FAAH2: variants seen among roughly 807,000 people sequenced by gnomAD.
FAAH2 encodes fatty acid amide hydrolase 2, also known as fatty-acid amide hydrolase 2.
A neutral mutation model predicts 36.9 loss-of-function variants in FAAH2; 60 were observed. The observed-to-expected ratio is 1.63, with a 90% CI of 1.32 to 2.02. FAAH2 has a LOEUF of 2.02. FAAH2 is among the 30% of genes most tolerant of loss of function. The pLI is 0.00. For synonymous variants in FAAH2, 214 were observed against 143.8 expected, an observed-to-expected ratio of 1.49 and a Z score of -3.49; for missense variants, 689 against 397.5, an observed-to-expected ratio of 1.73 and a Z score of -6.23.
chrX:57,448,124 G>C (rs2056716912), intron 9 of FAAH2, among the ~76,000 whole-genome samples: 1 of 111,219 alleles, frequency 9.0e-6, no homozygotes, highest in Admixed American at 9.6e-5. Context: ...AAGTTGCTGG[G>C]ACTACAGGGC....
At chrX:57,365,166 G>T (rs1019343259) in intron 5 of FAAH2, among the ~76,000 whole-genome samples, 3 of 111,677 alleles carry the variant, frequency 2.7e-5, no homozygotes, top group Non-Finnish European at 3.8e-5. Context: ...CTGTGTGGTT[G>T]TTTCTGCATG....
At position 57,349,292 on chromosome X, in the gene FAAH2, T is replaced by TAC. The variant is rs1169415552; in HGVS notation, c.742+7906_742+7907dup. Among the ~76,000 whole-genome samples the TAC allele has an allele frequency of 2.9e-3, 280 of 96,117 alleles. 2 individuals carry two copies. The highest frequency in any genetic ancestry group is 1.0e-2 in the African/African-American group (271 of 27,103). 83.5% of individuals were successfully genotyped at this position (96,117 alleles called of 115,157 possible). ...ATACATATATACATATATACATATA[T>TAC]ACACAGATATACATACATACATATA... On this transcript the variant is annotated intron_variant, in intron 5 of 10. Coordinates refer to ENST00000374900, the MANE Select transcript of FAAH2 (RefSeq NM_174912.4).
chrX:57,177,053 A>C, the FAAH2 span, among the ~76,000 whole-genome samples: 3 of 111,389 alleles, frequency 2.7e-5, no homozygotes, highest in Non-Finnish European at 3.8e-5. Flanking sequence ...TTGGTTGAAC[A>C]GTTCAGGCTT....
intron 5 of FAAH2, among the ~76,000 whole-genome samples, chrX:57,351,036 C>A (rs2147098229): frequency 9.0e-6 from 1 of 111,486 alleles, no homozygotes; most frequent in African/African-American, 3.2e-5. Context: ...GAAGAATATA[C>A]ATTCTTTTCA....
intron 7 of FAAH2, chrX:57,394,156 G>A: frequency 3.0e-6 from 2 of 663,320 alleles, no homozygotes; most frequent in Non-Finnish European, 2.5e-6. Context: ...GAATGACCTG[G>A]GAGTAGCCGC....
chrX:57,390,768 G>A (rs530189371), intron 7 of FAAH2, among the ~76,000 whole-genome samples: 20 of 111,592 alleles, frequency 1.8e-4, no homozygotes, highest in African/African-American at 5.8e-4. Context: ...ATTGTAAATA[G>A]TGTTGCAATA....
At chrX:57,355,942 G>T (rs1286303900) in intron 5 of FAAH2, among the ~76,000 whole-genome samples, 1 of 110,994 alleles carries the variant, frequency 9.0e-6, no homozygotes, top group Non-Finnish European at 1.9e-5. Context: ...CCTTTATTAT[G>T]TTGAGGCAAT....
At chrX:57,158,956 C>G in the FAAH2 span, among the ~76,000 whole-genome samples, 1 of 112,316 alleles carries the variant, frequency 8.9e-6, no homozygotes, top group Non-Finnish European at 1.9e-5. Flanking sequence ...AGGTTTTCTT[C>G]TAGGATTTTT....
chrX:57,333,910 G>T (rs1202774365), intron 4 of FAAH2, among the ~76,000 whole-genome samples: 3 of 111,546 alleles, frequency 2.7e-5, no homozygotes, highest in African/African-American at 9.8e-5. Context: ...TAAGGAGAAA[G>T]AAGAAAATAT....
At chrX:57,195,045 T>G in the FAAH2 span, among the ~76,000 whole-genome samples, 2 of 111,580 alleles carry the variant, frequency 1.8e-5, no homozygotes, top group South Asian at 7.5e-4. Flanking sequence ...TCCATATTTT[T>G]GTAATTGCAA....
intron 5 of FAAH2, among the ~76,000 whole-genome samples, chrX:57,349,823 C>T (rs1405714379): frequency 9.1e-6 from 1 of 109,735 alleles, no homozygotes; most frequent in African/African-American, 3.3e-5. Context: ...TAGATCAAAG[C>T]TTAGAAAATG....
the FAAH2 span, among the ~76,000 whole-genome samples, chrX:57,208,221 G>A: frequency 5.0e-4 from 56 of 112,380 alleles, no homozygotes; most frequent in Middle Eastern, 4.6e-3. Context: ...AAAATAAGGA[G>A]GGGATGCAGA....
chrX:57,445,985 C>T lies in FAAH2; in HGVS notation c.1117-943C>T, dbSNP rs192172939. On this transcript the variant is annotated intron_variant, in intron 8 of 10. Coordinates refer to ENST00000374900, the MANE Select transcript of FAAH2 (RefSeq NM_174912.4). ...CAGCTAGTGGTGGAGCCAGCCAGGA[C>T]TGGAGTTCCTCCCACTGGAGCTGAG... Among the ~76,000 whole-genome samples the T allele has an allele frequency of 3.9e-3, 441 of 112,691 alleles. 2 individuals are homozygous for T. The highest frequency in any genetic ancestry group is 0.014 in the African/African-American group (424 of 31,031).
rs73626277 is a variant in FAAH2, at chrX:57,480,249, C to G, written c.1424-8508C>G. Among the ~76,000 whole-genome samples, 699 of 111,816 alleles carry G rather than the reference C, an allele frequency of 6.3e-3. 2 individuals carry two copies. The highest frequency in any genetic ancestry group is 0.022 in the African/African-American group (675 of 30,758). On this transcript the variant is annotated intron_variant, in intron 10 of 10. Coordinates refer to ENST00000374900, the MANE Select transcript of FAAH2 (RefSeq NM_174912.4). ...TCAATAGAAAAAGAGAGAATCCTTC[C>G]TAACTCATTTTATGGGGCCAGCATC...
At chrX:57,151,111 A>C in the FAAH2 span, among the ~76,000 whole-genome samples, 2 of 112,356 alleles carry the variant, frequency 1.8e-5, no homozygotes, top group Non-Finnish European at 3.8e-5. Context: ...TGGCTTGTAG[A>C]GTTTCTGCTG....
chrX:57,236,997 C>T, the FAAH2 span, among the ~76,000 whole-genome samples: 1 of 111,516 alleles, frequency 9.0e-6, no homozygotes, highest in East Asian at 2.8e-4. Context: ...GAGTATTATA[C>T]TTAAGTCTAT....
At chrX:57,306,302 G>A (rs2052521550) in intron 2 of FAAH2, among the ~76,000 whole-genome samples, 1 of 111,724 alleles carries the variant, frequency 9.0e-6, no homozygotes, top group African/African-American at 3.3e-5. Context: ...TGGTAATGAT[G>A]CTACTTTGTA....
At chrX:57,137,092 C>G in the FAAH2 span, 45 of 780,809 alleles carry the variant, frequency 5.8e-5, no homozygotes, top group South Asian at 3.0e-4. Context: ...CTTTCCCTGT[C>G]GTCCACCGCA....
chrX:57,331,704 A>G lies in FAAH2; in HGVS notation c.519A>G (p.Ile173Met). 1 of 1,211,305 alleles carries G rather than the reference A, an allele frequency of 8.3e-7. No homozygotes were observed. Among genetic ancestry groups the G allele is most frequent in the South Asian group, 1.8e-5 (1 of 56,966 alleles). The part of the protein sequence containing the change: ...LKGAGAIPLG[I>M]TNCSELCMWY... The stretch of plus-strand genomic sequence containing the variant: ...GAGCTGGTGCCATTCCTCTTGGCAT[A>G]ACCAACTGTAGTGAGTTGTGTATGT... The change falls in exon 4 of 11, where the codon ATA becomes ATG. Residue 173 changes from isoleucine to methionine, a missense_variant. By Grantham distance (10) the Ile-to-Met change is conservative. Coordinates refer to ENST00000374900, the MANE Select transcript of FAAH2 (RefSeq NM_174912.4).
Sources: allele counts gnomAD v4.1 joint callset (sites outside exome capture counted in the v4.1 genomes callset), GRCh38; gene constraint gnomAD v4.1.1; transcripts MANE v1.5; gene names NCBI Gene and HGNC (gene_info 2026-07-23, HGNC 2026-07-21).